Variants in ITPR1 observed in about 807,000 individuals in gnomAD.
ITPR1 encodes inositol 1,4,5-trisphosphate-gated calcium channel ITPR1.
In ITPR1, 96 loss-of-function variants were observed where a neutral mutation model predicts 318.4. The observed-to-expected ratio is 0.30, with a 90% CI of 0.26 to 0.36. The LOEUF is 0.36. Among genes scored for constraint, ITPR1 ranks in the 10% least tolerant of loss-of-function variants. The pLI, the probability that ITPR1 is intolerant of heterozygous loss-of-function variation, is 1.00. For missense variants in ITPR1, 2,440 were observed against 3,460.2 expected, an observed-to-expected ratio of 0.71 and a Z score of 7.40; for synonymous variants, 1,312 against 1,289.9, an observed-to-expected ratio of 1.02 and a Z score of -0.37.
chr3:4,815,363 C>G, intron 59 of ITPR1, 145 bp downstream of exon 59: 1 of 683,284 alleles, frequency 1.5e-6, no homozygotes, highest in Non-Finnish European at 2.4e-6. Flanking sequence ...GACTCTTCTA[C>G]CCTCTGCCGT....
chr3:4,699,702 C>T (rs577864760), intron 34 of ITPR1, 111 bp from the exon 35 acceptor site: 3 of 938,844 alleles, frequency 3.2e-6, no homozygotes, highest in East Asian at 5.0e-5. Flanking sequence ...TATTGGCCAG[C>T]AGGCCTTTAC....
chr3:4,681,296 G>A (rs2094294056), intron 25 of ITPR1, 68 bp from the exon 26 acceptor site: 2 of 1,078,478 alleles, frequency 1.9e-6, no homozygotes, highest in East Asian at 4.7e-5. Context: ...CAAAACTTAT[G>A]GATGAGTTCA....
At chr3:4,667,584 C>G (rs2093978173) in intron 18 of ITPR1, 35 bp downstream of exon 18, 2 of 1,580,278 alleles carry the variant, frequency 1.3e-6, no homozygotes, top group South Asian at 2.3e-5. Flanking sequence ...AGGATGGTGT[C>G]TCTGCCTGTA....
In ITPR1 at chr3:4,583,899, A is replaced by C. The variant is rs957115461; in HGVS notation, c.164-43864A>C. 5.9e-5 allele frequency among the ~76,000 whole-genome samples: 9 copies of C among 152,048 alleles called. No homozygotes were observed. In the East Asian group the frequency reaches 1.7e-3, roughly 29 times the overall value. On this transcript the variant is annotated intron_variant, in intron 4 of 61. Transcript: ENST00000649015. ...ACATCAGATACATAGTTCAATGTAA[A>C]CTTCCCTTTGAAACTAGGTACTCAC...
intron 44 of ITPR1, chr3:4,749,897 C>T (rs75325691): frequency 2.0e-5 from 3 of 152,712 alleles, no homozygotes; most frequent in Non-Finnish European, 4.4e-5. Context: ...AGGGTCTGGC[C>T]AGGTTGGGCT....
intron 4 of ITPR1, among the ~76,000 whole-genome samples, chr3:4,605,707 C>T (rs1422103141): frequency 6.6e-6 from 1 of 152,186 alleles, no homozygotes; most frequent in Non-Finnish European, 1.5e-5. Context: ...CTTGCAACTT[C>T]TGTAAATTTG....
At chr3:4,536,388 T>G (rs915283502) in intron 4 of ITPR1, among the ~76,000 whole-genome samples, 3 of 152,374 alleles carry the variant, frequency 2.0e-5, no homozygotes, top group African/African-American at 7.2e-5. Flanking sequence ...TTTACCATTT[T>G]GCATGTTTCT....
intron 60 of ITPR1, among the ~76,000 whole-genome samples, chr3:4,829,709 TA>T (rs2050314959): frequency 6.6e-6 from 1 of 152,168 alleles, no homozygotes; most frequent in Non-Finnish European, 1.5e-5. Context: ...ACATTGATAT[TA>T]ATGTCCCTCC....
intron 4 of ITPR1, among the ~76,000 whole-genome samples, chr3:4,595,790 T>G (rs890961615): frequency 6.6e-6 from 1 of 152,112 alleles, no homozygotes; most frequent in Non-Finnish European, 1.5e-5. Context: ...GAGAAGTCAG[T>G]TGACTTTAGC....
intron 4 of ITPR1, among the ~76,000 whole-genome samples, chr3:4,541,697 C>T (rs928204267): frequency 5.9e-5 from 9 of 151,942 alleles, no homozygotes; most frequent in Admixed American, 5.9e-4. Flanking sequence ...GTGATCTCGG[C>T]TCACTGCAAC....
At chr3:4,501,180 A>G (rs1469927965) in intron 2 of ITPR1, among the ~76,000 whole-genome samples, 1 of 151,370 alleles carries the variant, frequency 6.6e-6, no homozygotes, top group African/African-American at 2.4e-5. Context: ...TTTTTTTTTA[A>G]TGACATGCAC....
At chr3:4,510,987 C>T (rs2081778195) in intron 2 of ITPR1, among the ~76,000 whole-genome samples, 1 of 152,042 alleles carries the variant, frequency 6.6e-6, no homozygotes, top group African/African-American at 2.4e-5. Flanking sequence ...CTGGTGGTCA[C>T]TGAGAAATGG....
At chr3:4,585,061 G>A (rs1181058411) in intron 4 of ITPR1, among the ~76,000 whole-genome samples, 2 of 152,046 alleles carry the variant, frequency 1.3e-5, no homozygotes, top group Non-Finnish European at 2.9e-5. Context: ...ACCCTCCGAG[G>A]GTCCTAACTG....
chr3:4,758,807 G>A (rs1309893343), intron 44 of ITPR1, among the ~76,000 whole-genome samples: 1 of 152,154 alleles, frequency 6.6e-6, no homozygotes, highest in African/African-American at 2.4e-5. Context: ...TGTGATCGTG[G>A]GCAATTTACT....
At chr3:4,759,997 G>A (rs946332143) in intron 44 of ITPR1, among the ~76,000 whole-genome samples, 2 of 152,222 alleles carry the variant, frequency 1.3e-5, no homozygotes, top group South Asian at 4.1e-4. Context: ...GGGATGTCTG[G>A]GACTGGTGCT....
At chr3:4,626,130 A>G (rs1000908583) in intron 4 of ITPR1, among the ~76,000 whole-genome samples, 1 of 152,094 alleles carries the variant, frequency 6.6e-6, no homozygotes, top group Non-Finnish European at 1.5e-5. Context: ...CCTGGGCAAC[A>G]TAGCAAGTCC....
At chr3:4,803,422 G>T (rs1041779866) in intron 54 of ITPR1, among the ~76,000 whole-genome samples, 2 of 152,176 alleles carry the variant, frequency 1.3e-5, no homozygotes, top group African/African-American at 2.4e-5. Flanking sequence ...GAATAATGTG[G>T]CCATCTAAAA....
At chr3:4,616,734 G>T (rs557172599) in intron 4 of ITPR1, among the ~76,000 whole-genome samples, 63 of 152,312 alleles carry the variant, frequency 4.1e-4, no homozygotes, top group Non-Finnish European at 8.1e-4. Flanking sequence ...TGCCTGGGGT[G>T]TGGGGTAATA....
At position 4,652,238 on chromosome 3, in the gene ITPR1, G is replaced by C; in HGVS notation, c.951+20G>C. The C allele has an allele frequency of 6.3e-7, 1 of 1,583,164 alleles. No individual in the cohort carries two copies. ...GCAGAGGTAAGTAGCAGCTCCTGTG[G>C]TTTTCTCTTTCAAGGCTGACGCACC... On this transcript the variant is annotated intron_variant, in intron 11 of 61. Transcript: ENST00000649015.
Sources: allele counts gnomAD v4.1 joint callset (sites outside exome capture counted in the v4.1 genomes callset), GRCh38; gene constraint gnomAD v4.1.1; transcripts MANE v1.5; gene names NCBI Gene and HGNC (gene_info 2026-07-23, HGNC 2026-07-21).